The following PTRH1 variants were observed in gnomAD, a reference collection of about 807,000 sequenced individuals.
PTRH1 encodes peptidyl-tRNA hydrolase 1 homolog.
In PTRH1, 13 loss-of-function variants were observed where a neutral mutation model predicts 15.7. That is an observed-to-expected ratio of 0.83 (90% CI 0.54 to 1.31). PTRH1 has a LOEUF of 1.31. Ranked by LOEUF, PTRH1 falls within the 40% of genes most tolerant of loss-of-function variation. The probability of loss-of-function intolerance (pLI) is 0.00; values close to 1 mark genes in which losing one functional copy is unlikely to be tolerated. For missense variants in PTRH1, 319 were observed against 296.2 expected, an observed-to-expected ratio of 1.08 and a Z score of -0.56; for synonymous variants, 139 against 136.7, an observed-to-expected ratio of 1.02 and a Z score of -0.12.
chr9:127,713,058 T>G (rs1403574171), downstream of PTRH1: 15 of 1,613,812 alleles, frequency 9.3e-6, no homozygotes, highest in Non-Finnish European at 1.2e-5. Context: ...GGGTCTCTGC[T>G]GCCGCAGCTC....
chr9:127,707,117 T>C (rs544040419), intron 1 of PTRH1: 2 of 1,613,686 alleles, frequency 1.2e-6, no homozygotes, highest in South Asian at 1.1e-5. Context: ...GTGGTGGCCG[T>C]GGAGCCGCCT....
At chr9:127,712,983 GC>G (rs770167060), downstream of PTRH1, 65 of 1,604,572 alleles carry the variant, frequency 4.1e-5, no homozygotes, top group Non-Finnish European at 5.2e-5. Context: ...AACCTGGCTC[GC>G]CGAAGGCTCT....
chr9:127,711,406 C>G (rs1451555096), downstream of PTRH1: 1 of 1,614,060 alleles, frequency 6.2e-7, no homozygotes, highest in Non-Finnish European at 8.5e-7. Flanking sequence ...ATGAGCAGCT[C>G]AAGGGAAGAC....
intron 1 of PTRH1, among the ~76,000 whole-genome samples, chr9:127,699,808 A>G (rs1206140759): frequency 1.3e-5 from 2 of 152,034 alleles, no homozygotes; most frequent in Non-Finnish European, 2.9e-5. Flanking sequence ...CTCAGTGTCT[A>G]TTGCATAATG....
At chr9:127,713,746 A>G, downstream of PTRH1, 2 of 1,088,946 alleles carry the variant, frequency 1.8e-6, no homozygotes, top group Non-Finnish European at 2.8e-6. Context: ...ACGTCAAGCA[A>G]TCCCCCAGCC....
chr9:127,707,092 G>A, intron 1 of PTRH1: 1 of 1,613,940 alleles, frequency 6.2e-7, no homozygotes, highest in Non-Finnish European at 8.5e-7. Flanking sequence ...GAAGAAAGGG[G>A]GCAAGAAGGA....
chr9:127,711,455 A>G (rs940344876), downstream of PTRH1: 6 of 1,613,998 alleles, frequency 3.7e-6, no homozygotes, highest in Non-Finnish European at 5.1e-6. Flanking sequence ...GCTGGAGAAC[A>G]CCCAGAAGGT....
intron 1 of PTRH1, among the ~76,000 whole-genome samples, chr9:127,696,938 G>C (rs1271169949): frequency 1.3e-5 from 2 of 152,130 alleles, no homozygotes; most frequent in Non-Finnish European, 2.9e-5. Context: ...GTCTGTATAG[G>C]CTGGAACAAA....
chr9:127,704,385 G>C (rs1442351343), intron 1 of PTRH1, among the ~76,000 whole-genome samples: 4 of 151,612 alleles, frequency 2.6e-5, no homozygotes, highest in Admixed American at 2.6e-4. Context: ...GTGCGTGCGT[G>C]TAGTCCCCAG....
Position 127,715,008 on chromosome 9 carries a change from T to G in PTRH1, c.283A>C (p.Met95Leu). The G allele has an allele frequency of 1.5e-6, 2 of 1,316,448 alleles. No individual in the cohort carries two copies. Among genetic ancestry groups the G allele is most frequent in the Non-Finnish European group, 9.8e-7 (1 of 1,016,322 alleles). 81.5% of individuals were successfully genotyped at this position (1,316,448 alleles called of 1,614,324 possible). The change falls in exon 2 of 5, where the codon ATG (methionine) becomes CTG (leucine). Residue 95 changes from methionine to leucine, a missense_variant. Met to Leu is a conservative substitution (Grantham distance 15). Transcript: ENST00000543175. This position sits in a 1 kb window ranked among gnomAD's most constrained non-coding sequence, Gnocchi z 5.8. Reference sequence around the variant, plus strand: ...GCCACGCTGCGCCCGTTGGCGTTCATAAGCCGCCGTGGCCGGAGCAGGACC... The same window carrying G: ...GCCACGCTGCGCCCGTTGGCGTTCAGAAGCCGCCGTGGCCGGAGCAGGACC... ...QLVLLRPRRL[M>L]NANGRSVARA...
intron 1 of PTRH1, chr9:127,707,321 TCCCGACCCCAG>T (rs1347209872): frequency 3.5e-5 from 33 of 940,338 alleles, no homozygotes; most frequent in Non-Finnish European, 5.0e-5. Context: ...CCAGACCCCA[TCCCGACCCCAG>T]CCTCATTTCC....
chr9:127,712,661 G>C, downstream of PTRH1: 4 of 1,613,808 alleles, frequency 2.5e-6, no homozygotes, highest in Non-Finnish European at 3.4e-6. Context: ...GACGAGGGTG[G>C]GTACTGGGGC....
At chr9:127,711,657 C>G (rs1032757839), downstream of PTRH1, among the ~76,000 whole-genome samples, 4 of 152,184 alleles carry the variant, frequency 2.6e-5, no homozygotes, top group African/African-American at 9.7e-5. Flanking sequence ...CTGGGCCTAG[C>G]TCCGGATTGT....
chr9:127,701,959 T>C (rs370897063), intron 1 of PTRH1, among the ~76,000 whole-genome samples: 1 of 151,244 alleles, frequency 6.6e-6, no homozygotes, highest in South Asian at 2.1e-4. Flanking sequence ...TGGTGACTCA[T>C]GCCTGTAATC....
chr9:127,713,462 C>T, downstream of PTRH1: 1 of 472,230 alleles, frequency 2.1e-6, no homozygotes, highest in Non-Finnish European at 3.7e-6. Flanking sequence ...TGGGATCCCC[C>T]TGAAGAGGCC....
chr9:127,707,177 A>G, intron 1 of PTRH1: 1 of 1,612,508 alleles, frequency 6.2e-7, no homozygotes, highest in Non-Finnish European at 8.5e-7. Flanking sequence ...CGAGACCTGG[A>G]GGACCGGCTA....
At position 127,713,894 on chromosome 9, in the gene PTRH1, C is replaced by G; in HGVS notation, c.*206G>C. 2 of 1,613,926 alleles carry G rather than the reference C, an allele frequency of 1.2e-6. No homozygotes were observed. The highest frequency in any genetic ancestry group is 1.7e-6 in the Non-Finnish European group (2 of 1,179,888). On this transcript the variant is annotated 3_prime_UTR_variant, in exon 5 of 5. Transcript: ENST00000543175. ...GTTTAGTCTTCCTGAAGTTCCCCTACGTCCCAAGTAGGACACAGAGAGAAG... is the reference window on the plus strand; with the variant it reads ...GTTTAGTCTTCCTGAAGTTCCCCTAGGTCCCAAGTAGGACACAGAGAGAAG...
In PTRH1 at chr9:127,714,021, CAA is replaced by C; in HGVS notation, c.*77_*78del. 1.3e-6 allele frequency: 2 copies of C among 1,585,332 alleles called. No individual in the cohort carries two copies. The highest frequency in any genetic ancestry group is 1.7e-6 in the Non-Finnish European group (2 of 1,156,662). Reference sequence around the variant, plus strand: ...GGAGATTTGTATAAAAAGTAGATACCAAGGCTGGCGTGGCAGCTCTGTGGCAG... The same window carrying C: ...GGAGATTTGTATAAAAAGTAGATACCGGCTGGCGTGGCAGCTCTGTGGCAG... On this transcript the variant is annotated 3_prime_UTR_variant, in exon 5 of 5. Coordinates refer to ENST00000543175, the MANE Select transcript of PTRH1 (RefSeq NM_001002913.3).
chr9:127,703,246 T>C (rs1290510603), intron 1 of PTRH1, among the ~76,000 whole-genome samples: 1 of 151,028 alleles, frequency 6.6e-6, no homozygotes, highest in African/African-American at 2.4e-5. Context: ...AGGTCAGGAG[T>C]TCGAGACCAG....
Sources: gnomAD v4.1 joint callset for allele counts (sites outside exome capture counted in the v4.1 genomes callset) on GRCh38, gnomAD v4.1.1 for gene constraint, Gnocchi (gnomAD v3.1) non-coding constraint, MANE v1.5 for transcripts, NCBI Gene and HGNC (gene_info 2026-07-23, HGNC 2026-07-21) for gene names.